OR4F6: variants seen among roughly 807,000 people sequenced by gnomAD.
The protein encoded by OR4F6 is olfactory receptor family 4 subfamily F member 6.
OR4F6 carries 13 observed loss-of-function variants against 15.9 expected under a neutral mutation model. The ratio of observed to expected loss-of-function variants is 0.82; its 90% CI spans 0.53 to 1.30. OR4F6 has a LOEUF of 1.30. Among genes scored for constraint, OR4F6 ranks in the 50% most tolerant of loss-of-function variants. OR4F6 has a pLI of 0.00. For synonymous variants in OR4F6, 150 were observed against 133.8 expected, an observed-to-expected ratio of 1.12 and a Z score of -0.83; for missense variants, 426 against 367.2, an observed-to-expected ratio of 1.16 and a Z score of -1.31.
rs777664223 is a variant in OR4F6, at chr15:101,806,445, T to A, written c.726T>A (p.Ala242=). Residue 242 remains alanine (A), a synonymous_variant, in exon 2 of 2, where the codon GCT becomes GCA. Transcript: ENST00000328882. The part of the protein sequence containing the change: ...GIFKAFSMLS[A]HVIVVVLVFG... ...TCAAGGCTTTCTCTATGCTGTCAGC[T>A]CATGTCATTGTGGTGGTTTTGGTCT... The A allele has an allele frequency of 3.1e-6, 5 of 1,613,650 alleles. No homozygotes were observed. The South Asian group carries it at 5.5e-5, about 18-fold the overall frequency.
chr15:101,806,854 A>T lies in OR4F6; in HGVS notation c.*196A>T. 7.3e-6 allele frequency: 3 copies of T among 410,710 alleles called. No homozygotes were observed. The highest frequency in any genetic ancestry group is 8.0e-5 in the Admixed American group (2 of 25,146). 25.4% of individuals were successfully genotyped at this position (410,710 alleles called of 1,614,324 possible). On this transcript the variant is annotated 3_prime_UTR_variant, in exon 2 of 2. Transcript: ENST00000328882. ...GATTTAAAGATTAAACAGTGTGGCT[A>T]CTTTATTTCACCAACATTATTACCT... is the stretch of plus-strand genomic sequence containing the variant.
In OR4F6 at chr15:101,806,347, T is replaced by A; in HGVS notation, c.628T>A (p.Ser210Thr). The A allele has an allele frequency of 1.2e-6, 2 of 1,614,132 alleles. No homozygotes were observed. Among genetic ancestry groups the A allele is most frequent in the Non-Finnish European group, 1.7e-6 (2 of 1,179,966 alleles). The change falls in exon 2 of 2, where the codon TCT becomes ACT. Residue 210 changes from serine (S) to threonine (T), a missense_variant. Transcript: ENST00000328882. The part of the protein sequence containing the change: ...TANSGFISLA[S>T]FLILIISYIF... Reference sequence around the variant, plus strand: ...CAATAGTGGATTTATTTCTCTGGCTTCTTTTTTAATTCTCATAATCTCTTA... The same window carrying A: ...CAATAGTGGATTTATTTCTCTGGCTACTTTTTTAATTCTCATAATCTCTTA...
In OR4F6 at chr15:101,806,023, T is replaced by G; in HGVS notation, c.304T>G (p.Phe102Val). Residue 102 changes from phenylalanine to valine, a missense_variant, in exon 2 of 2, where the codon TTC becomes GTC. Transcript: ENST00000328882. The part of the protein sequence containing the change: ...ISFGGCVVQI[F>V]FIHAVGGTEM... ...TTTTGGGGGCTGTGTAGTTCAGATC[T>G]TCTTTATCCATGCAGTTGGGGGAAC... is the stretch of plus-strand genomic sequence containing the variant. 2.5e-6 allele frequency: 4 copies of G among 1,614,210 alleles called. No individual in the cohort carries two copies. The South Asian group carries it at 3.3e-5, about 13-fold the overall frequency.
At chr15:101,805,401 A>G (rs1902779187) in intron 1 of OR4F6, among the ~76,000 whole-genome samples, 1 of 152,110 alleles carries the variant, frequency 6.6e-6, no homozygotes, top group Non-Finnish European at 1.5e-5. Flanking sequence ...CTGAGTGAAG[A>G]ATGTGGAGTG....
In OR4F6 at chr15:101,806,091, G is replaced by T. The variant is rs1425249720; in HGVS notation, c.372G>T (p.Val124=). The T allele has an allele frequency of 1.9e-6, 3 of 1,613,988 alleles. No homozygotes were observed. The highest frequency in any genetic ancestry group is 2.5e-6 in the Non-Finnish European group (3 of 1,180,012). ...TAGCCATGGCTTTTGACCGATATGT[G>T]GCCATATGTAAGCCTCTCCACTACC... ...LLIAMAFDRY[V]AICKPLHYLT... is the part of the protein sequence containing the mutation. Residue 124 remains valine (V), a synonymous_variant, in exon 2 of 2, where the codon GTG becomes GTT. Transcript: ENST00000328882.
At position 101,806,761 on chromosome 15, in the gene OR4F6, T is replaced by C; in HGVS notation, c.*103T>C. On this transcript the variant is annotated 3_prime_UTR_variant, in exon 2 of 2. Transcript: ENST00000328882. ...TAACCAGAATATCACTTTCTACTAG[T>C]ATGTATTGTGTTGTCTTTTTTTTCT... The C allele has an allele frequency of 1.5e-6, 1 of 668,272 alleles. No individual in the cohort carries two copies. Among genetic ancestry groups the C allele is most frequent in the Non-Finnish European group, 2.5e-6 (1 of 405,454 alleles). The allele number at this position is 668,272 out of a possible 1,614,324, so 41.4% of individuals were successfully genotyped here.
rs1902762396 is a variant in OR4F6 at position 101,804,298 on chromosome 15, A to G, written c.-34+753A>G. ...ACTTCAAACAATGATCTACATTTAA[A>G]AAACCTTAGAATTATCATCCTCATT... On this transcript the variant is annotated intron_variant, in intron 1 of 1. Coordinates refer to ENST00000328882, the MANE Select transcript of OR4F6 (RefSeq NM_001005326.2). Among the ~76,000 whole-genome samples the G allele has an allele frequency of 1.3e-5, 2 of 152,198 alleles. 1 individual carries two copies. The highest frequency in any genetic ancestry group is 1.3e-4 in the Admixed American group (2 of 15,274).
chr15:101,805,956 C>T lies in OR4F6; in HGVS notation c.237C>T (p.Pro79=). The T allele has an allele frequency of 6.2e-7, 1 of 1,614,116 alleles. No homozygotes were observed. The highest frequency in any genetic ancestry group is 8.5e-7 in the Non-Finnish European group (1 of 1,179,988). ...TGGTATTTTGTTCCTCCACAGCTCC[C>T]AAGATGATTTATGACCTTTTCAGGA... ...INLVFCSSTA[P]KMIYDLFRKH... Residue 79 remains proline, a synonymous_variant, in exon 2 of 2, where the codon CCC becomes CCT. Transcript: ENST00000328882.
chr15:101,803,789 C>T (rs1004742043), intron 1 of OR4F6, among the ~76,000 whole-genome samples: 13 of 152,240 alleles, frequency 8.5e-5, no homozygotes, highest in South Asian at 2.1e-4. Context: ...AGACGTGTTG[C>T]GTGTGGGTCT....
Position 101,806,084 on chromosome 15 carries a change from G to A in OR4F6, c.365G>A (p.Arg122Gln), listed in dbSNP as rs144452105. Reference protein sequence around the residue: ...MVLLIAMAFDRYVAICKPLHY... With the variant: ...MVLLIAMAFDQYVAICKPLHY... ...CTGCTCATAGCCATGGCTTTTGACC[G>A]ATATGTGGCCATATGTAAGCCTCTC... is the stretch of plus-strand genomic sequence containing the variant. Residue 122 changes from arginine to glutamine, a missense_variant, in exon 2 of 2, where the codon CGA becomes CAA. By Grantham distance (43) the Arg-to-Gln change is conservative. Coordinates refer to ENST00000328882, the MANE Select transcript of OR4F6 (RefSeq NM_001005326.2). 6.9e-5 allele frequency: 112 copies of A among 1,614,124 alleles called. No homozygotes were observed. Among genetic ancestry groups the A allele is most frequent in the African/African-American group, 2.4e-4 (18 of 75,034 alleles).
chr15:101,806,262 T>G lies in OR4F6; in HGVS notation c.543T>G (p.Leu181=). ...PNELDSFFCD[L]PRFIKLACIE... The stretch of plus-strand genomic sequence containing the variant: ...AATTAGATAGTTTCTTTTGTGATCT[T>G]CCTCGATTTATCAAACTGGCTTGCA... Residue 181 remains leucine, a synonymous_variant, in exon 2 of 2, where the codon CTT becomes CTG. Coordinates refer to ENST00000328882, the MANE Select transcript of OR4F6 (RefSeq NM_001005326.2). The G allele has an allele frequency of 6.2e-7, 1 of 1,613,808 alleles. No individual in the cohort carries two copies.
In OR4F6 at chr15:101,806,533, G is replaced by A. The variant is rs1902810365; in HGVS notation, c.814G>A (p.Ala272Thr). The change falls in exon 2 of 2, where the codon GCC becomes ACC. Residue 272 changes from alanine (A) to threonine (T), a missense_variant. Transcript: ENST00000328882. Reference protein sequence around the residue: ...FPTSHLDKFLAIFDAVITPVL... With the variant: ...FPTSHLDKFLTIFDAVITPVL... ...CACATCACATCTTGATAAATTCCTT[G>A]CCATCTTTGATGCAGTTATCACTCC... 6.2e-7 allele frequency: 1 copy of A among 1,613,500 alleles called. No homozygotes were observed. The highest frequency in any genetic ancestry group is 1.3e-5 in the African/African-American group (1 of 74,812).
Position 101,806,606 on chromosome 15 carries a change from T to A in OR4F6, c.887T>A (p.Val296Glu). 5 of 1,604,116 alleles carry A rather than the reference T, an allele frequency of 3.1e-6. No homozygotes were observed. Among genetic ancestry groups the A allele is most frequent in the Non-Finnish European group, 4.3e-6 (5 of 1,176,444 alleles). The change falls in exon 2 of 2, where the codon GTG becomes GAG. Residue 296 changes from valine to glutamate, a missense_variant. Physicochemically the swap from Val to Glu is moderately radical, Grantham distance 121. Coordinates refer to ENST00000328882, the MANE Select transcript of OR4F6 (RefSeq NM_001005326.2). The stretch of plus-strand genomic sequence containing the variant: ...ACTTTTAGAAATAAAGAGATGATGG[T>A]GGCAATGAGAAGACGATGCTCTCAG... ...IYTFRNKEMM[V>E]AMRRRCSQFV...
chr15:101,806,472 T>C lies in OR4F6; in HGVS notation c.753T>C (p.Phe251=). The change falls in exon 2 of 2, where the codon TTT becomes TTC. Residue 251 remains phenylalanine, a synonymous_variant. Coordinates refer to ENST00000328882, the MANE Select transcript of OR4F6 (RefSeq NM_001005326.2). ...SAHVIVVVLV[F]GPLIFFYIFP... ...ATGTCATTGTGGTGGTTTTGGTCTT[T>C]GGGCCATTAATCTTTTTCTATATTT... The C allele has an allele frequency of 6.2e-7, 1 of 1,613,840 alleles. No individual in the cohort carries two copies. Among genetic ancestry groups the C allele is most frequent in the East Asian group, 2.2e-5 (1 of 44,870 alleles).
rs1902785402 is a variant in OR4F6, at chr15:101,805,763, T to G, written c.44T>G (p.Leu15Arg). Residue 15 changes from leucine to arginine, a missense_variant, in exon 2 of 2, where the codon CTG (leucine) becomes CGG (arginine). Leu to Arg is a moderately radical substitution (Grantham distance 102). Transcript: ENST00000328882. Reference sequence around the variant, plus strand: ...TCTGTGGTCTCTGAGTTTGTGTTCCTGGGACTCTCTGACTCGCGGAAGATC... The same window carrying G: ...TCTGTGGTCTCTGAGTTTGTGTTCCGGGGACTCTCTGACTCGCGGAAGATC... ...NHSVVSEFVF[L>R]GLSDSRKIQL... 2 of 1,613,978 alleles carry G rather than the reference T, an allele frequency of 1.2e-6. No homozygotes were observed. Among genetic ancestry groups the G allele is most frequent in the African/African-American group, 1.3e-5 (1 of 74,928 alleles).
At position 101,806,027 on chromosome 15, in the gene OR4F6, T is replaced by C. The variant is rs1385668301; in HGVS notation, c.308T>C (p.Phe103Ser). 1.5e-5 allele frequency: 25 copies of C among 1,614,044 alleles called. No homozygotes were observed. Among genetic ancestry groups the C allele is most frequent in the Non-Finnish European group, 2.0e-5 (24 of 1,180,030 alleles). Reference protein sequence around the residue: ...SFGGCVVQIFFIHAVGGTEMV... With the variant: ...SFGGCVVQIFSIHAVGGTEMV... ...GGGGGCTGTGTAGTTCAGATCTTCT[T>C]TATCCATGCAGTTGGGGGAACTGAG... The change falls in exon 2 of 2, where the codon TTT (phenylalanine) becomes TCT (serine). Residue 103 changes from phenylalanine (F) to serine (S), a missense_variant. Coordinates refer to ENST00000328882, the MANE Select transcript of OR4F6 (RefSeq NM_001005326.2).
chr15:101,806,008 T>G lies in OR4F6; in HGVS notation c.289T>G (p.Cys97Gly), dbSNP rs1388439972. ...RKHKTISFGG[C>G]VVQIFFIHAV... ...GCACAAGACCATCTCTTTTGGGGGCTGTGTAGTTCAGATCTTCTTTATCCA... is the reference window on the plus strand; with the variant it reads ...GCACAAGACCATCTCTTTTGGGGGCGGTGTAGTTCAGATCTTCTTTATCCA... The change falls in exon 2 of 2, where the codon TGT becomes GGT. Residue 97 changes from cysteine to glycine, a missense_variant. Cys to Gly is a radical substitution (Grantham distance 159). Transcript: ENST00000328882. 4 of 1,614,064 alleles carry G rather than the reference T, an allele frequency of 2.5e-6. No individual in the cohort carries two copies. The highest frequency in any genetic ancestry group is 3.4e-6 in the Non-Finnish European group (4 of 1,180,026).
intron 1 of OR4F6, 37 bp downstream of exon 1, chr15:101,803,582 T>A (rs555282581): frequency 6.6e-6 from 1 of 152,254 alleles, no homozygotes; most frequent in African/African-American, 2.4e-5. Flanking sequence ...TTGATGGAGA[T>A]CAGAACTTTA....
Position 101,806,692 on chromosome 15 carries a change from C to T in OR4F6, c.*34C>T, listed in dbSNP as rs897789003. 5.1e-5 allele frequency: 64 copies of T among 1,250,388 alleles called. No individual in the cohort carries two copies. Among genetic ancestry groups the T allele is most frequent in the Non-Finnish European group, 6.9e-5 (63 of 910,074 alleles). The allele number at this position is 1,250,388 out of a possible 1,614,324, so 77.5% of individuals were successfully genotyped here. ...AGAATATACAAAAAGGCAAATTATACTAGAATTTCAGACAGATATGTGTTA... is the reference window on the plus strand; with the variant it reads ...AGAATATACAAAAAGGCAAATTATATTAGAATTTCAGACAGATATGTGTTA... On this transcript the variant is annotated 3_prime_UTR_variant, in exon 2 of 2. Transcript: ENST00000328882.
Sources: allele counts gnomAD v4.1 joint callset (sites outside exome capture counted in the v4.1 genomes callset), GRCh38; gene constraint gnomAD v4.1.1; transcripts MANE v1.5; gene names NCBI Gene and HGNC (gene_info 2026-07-23, HGNC 2026-07-21).